The following XPNPEP2 variants were observed in gnomAD, a reference collection of about 807,000 sequenced individuals.
XPNPEP2 encodes the protein xaa-Pro aminopeptidase 2.
XPNPEP2 carries 64 observed loss-of-function variants against 59.8 expected under a neutral mutation model. The ratio of observed to expected loss-of-function variants is 1.07; its 90% CI spans 0.87 to 1.32. The LOEUF (loss-of-function observed/expected upper bound fraction) is 1.32, where lower values mean the gene tolerates loss of function less well. Among genes scored for constraint, XPNPEP2 ranks in the 40% most tolerant of loss-of-function variants. The pLI, the probability that XPNPEP2 is intolerant of heterozygous loss-of-function variation, is 0.00. For synonymous variants in XPNPEP2, 235 were observed against 210.0 expected (o/e 1.12, Z -1.03); for missense variants, 575 against 546.8 (o/e 1.05, Z -0.51).
rs369108188 is a variant in XPNPEP2 at position 129,758,736 on chromosome X, G to A, written c.1368-444G>A. Among the ~76,000 whole-genome samples the A allele has an allele frequency of 5.4e-4, 60 of 112,098 alleles. No individual in the cohort carries two copies. In the South Asian group the frequency reaches 0.022, roughly 41 times the overall value. The stretch of plus-strand genomic sequence containing the variant: ...ATTCTTCCCAGGGAGCAGCAAAAGT[G>A]TCCTATAAATGGTCGACAACTATCT... On this transcript the variant is annotated intron_variant, in intron 14 of 20. Transcript: ENST00000371106.
At chrX:129,742,858 T>A (rs369778733) in intron 2 of XPNPEP2, among the ~76,000 whole-genome samples, 4 of 111,832 alleles carry the variant, frequency 3.6e-5, no homozygotes, top group Non-Finnish European at 7.5e-5. Flanking sequence ...GCCAAGATTG[T>A]GCCACTGCAC....
At chrX:129,764,301 T>C (rs778414980) in intron 19 of XPNPEP2, among the ~76,000 whole-genome samples, 1 of 108,646 alleles carries the variant, frequency 9.2e-6, no homozygotes, top group African/African-American at 3.4e-5. Flanking sequence ...GAAAAGGCAA[T>C]TCACTAAAAT....
chrX:129,755,735 C>T (rs1377473525), intron 13 of XPNPEP2, among the ~76,000 whole-genome samples: 2 of 112,967 alleles, frequency 1.8e-5, no homozygotes, highest in African/African-American at 6.4e-5. Context: ...ACAGGCTAGC[C>T]AGGTGTTTGG....
At chrX:129,739,868 G>A (rs1000794328) in intron 1 of XPNPEP2, among the ~76,000 whole-genome samples, 24 of 112,724 alleles carry the variant, frequency 2.1e-4, no homozygotes, top group African/African-American at 7.7e-4. Context: ...GTCAGGAAGA[G>A]AGTCTTTCCT....
intron 7 of XPNPEP2, among the ~76,000 whole-genome samples, chrX:129,748,707 T>A (rs143177674): frequency 8.9e-6 from 1 of 112,456 alleles, no homozygotes; most frequent in East Asian, 2.8e-4. Flanking sequence ...TAAAGAAATT[T>A]GTTATCCAAG....
intron 2 of XPNPEP2, among the ~76,000 whole-genome samples, chrX:129,742,632 T>C (rs779879000): frequency 9.1e-5 from 10 of 110,243 alleles, no homozygotes; most frequent in African/African-American, 2.3e-4. Flanking sequence ...CCGAGCACGG[T>C]GGCTGACGCC....
At chrX:129,754,005 T>C (rs1412583893) in intron 11 of XPNPEP2, among the ~76,000 whole-genome samples, 2 of 112,541 alleles carry the variant, frequency 1.8e-5, no homozygotes, top group Non-Finnish European at 3.8e-5. Flanking sequence ...GGCAAGAGGA[T>C]GGCTCAATTT....
At position 129,761,224 on chromosome X, in the gene XPNPEP2, T is replaced by A; in HGVS notation, c.1551T>A (p.Asn517Lys). 1 of 1,212,027 alleles carries A rather than the reference T, an allele frequency of 8.3e-7. No individual in the cohort carries two copies. ...GAGCCTTGTGGGATGCTGGTCTCAA[T>A]TATGGTCATGGGACAGGCCACGGCA... is the stretch of plus-strand genomic sequence containing the variant. Reference protein sequence around the residue: ...ARRALWDAGLNYGHGTGHGIG... With the variant: ...ARRALWDAGLKYGHGTGHGIG... Residue 517 changes from asparagine to lysine, a missense_variant, in exon 17 of 21, where the codon AAT (asparagine) becomes AAA (lysine). Transcript: ENST00000371106.
Position 129,762,850 on chromosome X carries a change from A to C in XPNPEP2, c.1740+80A>C. 1.3e-5 allele frequency: 12 copies of C among 893,458 alleles called. 1 individual carries two copies. The South Asian group carries it at 2.0e-4, about 15-fold the overall frequency. 73.6% of individuals were successfully genotyped at this position (893,458 alleles called of 1,213,427 possible). A position where few individuals can be genotyped will look rare whatever the true frequency, so the allele number is the denominator to read the frequency against. On this transcript the variant is annotated intron_variant, in intron 19 of 20. Coordinates refer to ENST00000371106, the MANE Select transcript of XPNPEP2 (RefSeq NM_003399.6). ...GCTGCATGGGAGGAAAGTGGGGAGG[A>C]AGATCAAAGGAGAAGGGCATTTAGT...
intron 14 of XPNPEP2, among the ~76,000 whole-genome samples, chrX:129,757,857 AAGAGGGAGAGAG>A (rs1926566332): frequency 7.8e-5 from 6 of 77,219 alleles, no homozygotes; most frequent in African/African-American, 3.1e-4. Context: ...GAAAGAAAGA[AAGAGGGAGAGAG>A]AGAAAGAGAG....
At chrX:129,744,998 G>A (rs1286907823) in intron 3 of XPNPEP2, among the ~76,000 whole-genome samples, 2 of 111,407 alleles carry the variant, frequency 1.8e-5, no homozygotes, top group Non-Finnish European at 3.8e-5. Context: ...AACTGCAAAA[G>A]ATACGGTTGC....
At chrX:129,755,446 G>A (rs1926501332) in intron 13 of XPNPEP2, 75 bp downstream of exon 13, 2 of 1,038,174 alleles carry the variant, frequency 1.9e-6, no homozygotes, top group Non-Finnish European at 2.7e-6. Context: ...AGGGTGAGGG[G>A]AGGGGGATGT....
chrX:129,758,377 C>T (rs1230470282), intron 14 of XPNPEP2, among the ~76,000 whole-genome samples: 1 of 111,087 alleles, frequency 9.0e-6, no homozygotes, highest in East Asian at 2.8e-4. Flanking sequence ...CTCTTCTTTC[C>T]TTCTGAAGAA....
Position 129,747,709 on chromosome X carries a change from C to T in XPNPEP2, c.593C>T (p.Pro198Leu), listed in dbSNP as rs191887278. 6.1e-5 allele frequency: 74 copies of T among 1,210,590 alleles called. No homozygotes were observed. The African/African-American group carries it at 8.0e-4, about 13-fold the overall frequency. Residue 198 changes from proline (P) to leucine (L), a missense_variant, in exon 7 of 21, where the codon CCG (proline) becomes CTG (leucine). Coordinates refer to ENST00000371106, the MANE Select transcript of XPNPEP2 (RefSeq NM_003399.6). Reference protein sequence around the residue: ...VDLVWGSERPPVPNQPIYALQ... With the variant: ...VDLVWGSERPLVPNQPIYALQ... ...CTGGTATGGGGATCAGAGAGGCCAC[C>T]GGTTCCAAATCAACCCATTTATGCC... is the stretch of plus-strand genomic sequence containing the variant.
Position 129,754,520 on chromosome X carries a change from A to G in XPNPEP2, c.1156A>G (p.Asn386Asp). ...CCGGTACTTGGTCTGGCTGGAGAAG[A>G]ACGTGCCCAAAGGCACAGTGGATGA... ...VIRYLVWLEK[N>D]VPKGTVDEFS... Residue 386 changes from asparagine (N) to aspartate (D), a missense_variant, in exon 12 of 21, where the codon AAC (asparagine) becomes GAC (aspartate). Physicochemically the swap from Asn to Asp is conservative, Grantham distance 23 (BLOSUM62 1). Transcript: ENST00000371106. 1 of 1,194,661 alleles carries G rather than the reference A, an allele frequency of 8.4e-7. No individual in the cohort carries two copies. Among genetic ancestry groups the G allele is most frequent in the Non-Finnish European group, 1.1e-6 (1 of 887,952 alleles).
rs767302697 is a variant in XPNPEP2 at position 129,752,460 on chromosome X, C to T, written c.1017+115C>T. On this transcript the variant is annotated intron_variant, in intron 10 of 20. Coordinates refer to ENST00000371106, the MANE Select transcript of XPNPEP2 (RefSeq NM_003399.6). The stretch of plus-strand genomic sequence containing the variant: ...GCCATTCAGTCATCTGGTCAGCCAA[C>T]AACTGTGCAGTGAGTTCCCTTCTTG... 4 of 821,036 alleles carry T rather than the reference C, an allele frequency of 4.9e-6. No individual in the cohort carries two copies. The African/African-American group carries it at 8.2e-5, about 17-fold the overall frequency. The allele number at this position is 821,036 out of a possible 1,213,427, so 67.7% of individuals were successfully genotyped here. A position where few individuals can be genotyped will look rare whatever the true frequency, so the allele number is the denominator to read the frequency against.
At chrX:129,767,010 T>G (rs1926762781) in intron 19 of XPNPEP2, among the ~76,000 whole-genome samples, 1 of 110,743 alleles carries the variant, frequency 9.0e-6, no homozygotes, top group African/African-American at 3.3e-5. Flanking sequence ...GCTTAGGAGT[T>G]CGAGACCAGC....
At chrX:129,743,028 G>C (rs1273084881) in intron 2 of XPNPEP2, among the ~76,000 whole-genome samples, 1 of 112,152 alleles carries the variant, frequency 8.9e-6, no homozygotes, top group Non-Finnish European at 1.9e-5. Flanking sequence ...TTCCTAGCTG[G>C]AGACCAGAGT....
rs759709597 is a variant in XPNPEP2, at chrX:129,762,732, C to T, written c.1702C>T (p.Leu568Phe). ...TAAGGATGGAGAATTTGGGATCCGT[C>T]TCGAAGATGTGGCTCTCGTGGTAGA... ...YYKDGEFGIRLEDVALVVEAK... is the reference protein window; with the variant it reads ...YYKDGEFGIRFEDVALVVEAK... Residue 568 changes from leucine (L) to phenylalanine (F), a missense_variant, in exon 19 of 21, where the codon CTC (leucine) becomes TTC (phenylalanine). Coordinates refer to ENST00000371106, the MANE Select transcript of XPNPEP2 (RefSeq NM_003399.6). The T allele has an allele frequency of 1.7e-6, 2 of 1,211,916 alleles. No individual in the cohort carries two copies. Among genetic ancestry groups the T allele is most frequent in the Admixed American group, 2.2e-5 (1 of 46,036 alleles).
Sources: gnomAD v4.1 joint callset for allele counts (sites outside exome capture counted in the v4.1 genomes callset) on GRCh38, gnomAD v4.1.1 for gene constraint, MANE v1.5 for transcripts, NCBI Gene and HGNC (gene_info 2026-07-23, HGNC 2026-07-21) for gene names.